MARCHF10: variants seen among roughly 807,000 people sequenced by gnomAD.
MARCHF10 encodes probable E3 ubiquitin-protein ligase MARCHF10.
A neutral mutation model predicts 76.2 loss-of-function variants in MARCHF10; 64 were observed. The observed-to-expected ratio is 0.84, with a 90% CI of 0.69 to 1.03. The LOEUF is 1.03. MARCHF10 is among the 50% of genes least tolerant of loss of function. MARCHF10 has a pLI of 0.00. For missense variants in MARCHF10, 875 were observed against 958.0 expected (o/e 0.91, Z 1.14); for synonymous variants, 340 against 357.5 (o/e 0.95, Z 0.55).
intron 6 of MARCHF10, among the ~76,000 whole-genome samples, chr17:62,727,043 T>G (rs987201438): frequency 6.6e-6 from 1 of 152,234 alleles, no homozygotes; most frequent in Non-Finnish European, 1.5e-5. Flanking sequence ...GTAGAGATTT[T>G]ACAAACAGAT....
intron 8 of MARCHF10, among the ~76,000 whole-genome samples, chr17:62,719,075 C>T (rs1412379321): frequency 6.6e-6 from 1 of 152,006 alleles, no homozygotes; most frequent in East Asian, 1.9e-4. Flanking sequence ...GCTGTCAAAA[C>T]GTTGGCCAAA....
rs984068103 is a variant in MARCHF10, at chr17:62,738,482, A to T, written c.536-1150T>A. 2.0e-5 allele frequency among the ~76,000 whole-genome samples: 3 copies of T among 152,066 alleles called. No individual in the cohort carries two copies. Among genetic ancestry groups the T allele is most frequent in the East Asian group, 1.9e-4 (1 of 5,166 alleles). ...CCCCCGCTTTGTTCTCCTCTCTGCT[A>T]TTGTGTGGGATCTGATGAGATGCTG... On this transcript the variant is annotated intron_variant, in intron 5 of 10. Coordinates refer to ENST00000311269, the MANE Select transcript of MARCHF10 (RefSeq NM_152598.4). This position sits in a 1 kb window ranked among gnomAD's most constrained non-coding sequence, Gnocchi z 4.0.
intron 2 of MARCHF10, among the ~76,000 whole-genome samples, chr17:62,789,069 CAAAAAA>C (rs34556672): frequency 2.7e-5 from 1 of 36,892 alleles, no homozygotes; most frequent in Admixed American, 3.7e-4. Context: ...GACTCCGTCT[CAAAAAA>C]AAAAAAAAAA....
chr17:62,784,187 C>G (rs539941403), intron 3 of MARCHF10, among the ~76,000 whole-genome samples: 2 of 152,116 alleles, frequency 1.3e-5, no homozygotes, highest in Non-Finnish European at 2.9e-5. Context: ...TGATCAAGTC[C>G]GCTTCATCCC....
intron 10 of MARCHF10, among the ~76,000 whole-genome samples, chr17:62,702,423 G>A (rs971511769): frequency 2.8e-5 from 4 of 142,110 alleles, no homozygotes; most frequent in Admixed American, 1.4e-4. Flanking sequence ...GCCAAGGGGC[G>A]GGGGGCGGGG....
In MARCHF10 at chr17:62,744,421, G is replaced by A. The variant is rs771889113; in HGVS notation, c.490C>T (p.Gln164Ter). ...ACCTTTGCAGGCCACTGCTGTTTCTGTCTGCTTCTGTCCCCAGATGCTCTC... is the reference window on the plus strand; with the variant it reads ...ACCTTTGCAGGCCACTGCTGTTTCTATCTGCTTCTGTCCCCAGATGCTCTC... ...SPRASGDRSR[Q>*]KQQWPAKVPV... Residue 164 changes from glutamine to a stop codon, truncating the protein, a stop_gained, in exon 5 of 11, where the codon CAG becomes TAG. Transcript: ENST00000311269. LOFTEE classifies it high-confidence loss of function. 5.0e-6 allele frequency: 8 copies of A among 1,614,166 alleles called. No individual in the cohort carries two copies. The highest frequency in any genetic ancestry group is 6.8e-6 in the Non-Finnish European group (8 of 1,180,054).
At chr17:62,787,888 A>C (rs1477056450) in intron 3 of MARCHF10, among the ~76,000 whole-genome samples, 1 of 152,210 alleles carries the variant, frequency 6.6e-6, no homozygotes, top group Admixed American at 6.5e-5. Context: ...TAACTGCTTA[A>C]TTATTATTAT....
In MARCHF10 at chr17:62,802,782, A is replaced by G. The variant is rs933326997; in HGVS notation, c.-17-1030T>C. 6.6e-5 allele frequency among the ~76,000 whole-genome samples: 10 copies of G among 152,166 alleles called. No homozygotes were observed. In the South Asian group the frequency reaches 2.1e-3, roughly 32 times the overall value. Reference sequence around the variant, plus strand: ...AGCAGGTGCAGATGAGGCAGACGGGAGGGAAGCAGTGCAGCTGGAGCAGAG... The same window carrying G: ...AGCAGGTGCAGATGAGGCAGACGGGGGGGAAGCAGTGCAGCTGGAGCAGAG... On this transcript the variant is annotated intron_variant, in intron 1 of 10. Coordinates refer to ENST00000311269, the MANE Select transcript of MARCHF10 (RefSeq NM_152598.4).
chr17:62,762,143 T>A (rs1599263204), intron 3 of MARCHF10, among the ~76,000 whole-genome samples: 1 of 152,192 alleles, frequency 6.6e-6, no homozygotes, highest in Non-Finnish European at 1.5e-5. Flanking sequence ...CAGGCTGTGG[T>A]GAATAGGGAG....
chr17:62,758,139 G>GCC (rs2092098596), intron 4 of MARCHF10, among the ~76,000 whole-genome samples: 1 of 152,158 alleles, frequency 6.6e-6, no homozygotes, highest in African/African-American at 2.4e-5. Flanking sequence ...GGTGGCTCAC[G>GCC]CCTGTAATCC....
chr17:62,792,733 TCAC>T (rs1176377925), intron 2 of MARCHF10, among the ~76,000 whole-genome samples: 17 of 60,826 alleles, frequency 2.8e-4, no homozygotes, highest in East Asian at 6.9e-4. Context: ...ACCACCACCA[TCAC>T]CACCACCACC....
chr17:62,706,609 T>C (rs567382319), intron 9 of MARCHF10: 2 of 152,330 alleles, frequency 1.3e-5, no homozygotes, highest in African/African-American at 4.8e-5. Context: ...CCATCCAGTC[T>C]CACACGTGAA....
intron 2 of MARCHF10, among the ~76,000 whole-genome samples, chr17:62,793,115 C>G (rs2092898067): frequency 6.8e-6 from 1 of 147,160 alleles, no homozygotes; most frequent in Admixed American, 6.7e-5. Flanking sequence ...ACCATCACCT[C>G]CATCACTATC....
chr17:62,770,340 G>T (rs944638390), intron 3 of MARCHF10, among the ~76,000 whole-genome samples: 12 of 152,126 alleles, frequency 7.9e-5, no homozygotes, highest in African/African-American at 2.9e-4. Flanking sequence ...ACATATACAT[G>T]TGTCTTTTTG....
At chr17:62,724,866 G>C in intron 7 of MARCHF10, 72 bp downstream of exon 7, 1 of 1,546,092 alleles carries the variant, frequency 6.5e-7, no homozygotes. Context: ...ACAAGGCTCC[G>C]GGGCCCACAC....
At chr17:62,710,549 G>GTTTT (rs1568093469) in intron 9 of MARCHF10, among the ~76,000 whole-genome samples, 9 of 116,978 alleles carry the variant, frequency 7.7e-5, no homozygotes, top group African/African-American at 2.9e-4. Context: ...TTTGAACCCA[G>GTTTT]CTTTTTTTTT....
intron 5 of MARCHF10, chr17:62,737,915 T>C (rs1204240484): frequency 6.6e-6 from 1 of 152,244 alleles, no homozygotes; most frequent in Non-Finnish European, 1.5e-5. Flanking sequence ...TATAAATCGC[T>C]CATGAAATCG....
chr17:62,757,127 T>G (rs1475798097), intron 4 of MARCHF10, among the ~76,000 whole-genome samples: 1 of 152,148 alleles, frequency 6.6e-6, no homozygotes, highest in Non-Finnish European at 1.5e-5. Context: ...GTTCCCCAGC[T>G]ATATATTTTT....
chr17:62,710,202 C>T (rs1428655988), intron 9 of MARCHF10, among the ~76,000 whole-genome samples: 2 of 152,178 alleles, frequency 1.3e-5, no homozygotes, highest in Non-Finnish European at 2.9e-5. Flanking sequence ...CATCTGTAAC[C>T]TGTATCAACC....
Sources: allele counts gnomAD v4.1 joint callset (sites outside exome capture counted in the v4.1 genomes callset), GRCh38; gene constraint gnomAD v4.1.1; non-coding constraint Gnocchi (gnomAD v3.1); transcripts MANE v1.5; gene names NCBI Gene and HGNC (gene_info 2026-07-23, HGNC 2026-07-21).